Variants in KIF6 observed in about 807,000 individuals in gnomAD.
KIF6 encodes the protein kinesin-like protein KIF6.
A neutral mutation model predicts 112.7 loss-of-function variants in KIF6; 106 were observed. The ratio of observed to expected loss-of-function variants is 0.94; its 90% CI spans 0.80 to 1.11. The LOEUF (loss-of-function observed/expected upper bound fraction) is 1.11, where lower values mean the gene tolerates loss of function less well. Among genes scored for constraint, KIF6 ranks in the 50% least tolerant of loss-of-function variants. The pLI, the probability that KIF6 is intolerant of heterozygous loss-of-function variation, is 0.00. For missense variants in KIF6, 929 were observed against 964.0 expected (o/e 0.96, Z 0.48); for synonymous variants, 339 against 339.9 (o/e 1.00, Z 0.03).
At chr6:39,592,289 C>T (rs1035361457) in intron 7 of KIF6, among the ~76,000 whole-genome samples, 4 of 152,130 alleles carry the variant, frequency 2.6e-5, no homozygotes, top group Admixed American at 2.0e-4. Context: ...TGCTTGCAAT[C>T]AATAATTCTA....
chr6:39,690,750 T>C (rs752869427), intron 3 of KIF6: 1 of 152,278 alleles, frequency 6.6e-6, no homozygotes, highest in African/African-American at 2.4e-5. Context: ...AGGAGACAGC[T>C]CAAGAAGAGT....
At chr6:39,661,879 GACCAATAA>G (rs1786169482) in intron 3 of KIF6, among the ~76,000 whole-genome samples, 1 of 152,120 alleles carries the variant, frequency 6.6e-6, no homozygotes, top group Non-Finnish European at 1.5e-5. Flanking sequence ...GTCAGTCTCT[GACCAATAA>G]TTCATCATAC....
chr6:39,407,728 G>C (rs1453835392), intron 15 of KIF6, among the ~76,000 whole-genome samples: 1 of 152,152 alleles, frequency 6.6e-6, no homozygotes, highest in Non-Finnish European at 1.5e-5. Flanking sequence ...TTAACCATCT[G>C]TATGCAGGAG....
At chr6:39,588,404 G>T (rs979635680) in intron 7 of KIF6, among the ~76,000 whole-genome samples, 2 of 151,922 alleles carry the variant, frequency 1.3e-5, no homozygotes, top group Non-Finnish European at 2.9e-5. Flanking sequence ...TAGTAGAGTT[G>T]GGGTTTTGCT....
intron 3 of KIF6, among the ~76,000 whole-genome samples, chr6:39,701,044 C>T (rs1239770555): frequency 2.6e-5 from 4 of 152,214 alleles, no homozygotes; most frequent in Non-Finnish European, 5.9e-5. Context: ...ATTTGCCTTA[C>T]AAAGTTGCAG....
intron 13 of KIF6, among the ~76,000 whole-genome samples, chr6:39,497,701 A>T (rs1222081073): frequency 6.6e-6 from 1 of 151,616 alleles, no homozygotes; most frequent in African/African-American, 2.4e-5. Flanking sequence ...GCTTTTGACA[A>T]CTCTTCACTC....
Position 39,362,463 on chromosome 6 carries a change from C to T in KIF6, c.1917G>A (p.Leu639=). The T allele has an allele frequency of 6.2e-7, 1 of 1,614,146 alleles. No individual in the cohort carries two copies. Among genetic ancestry groups the T allele is most frequent in the Non-Finnish European group, 8.5e-7 (1 of 1,179,996 alleles). ...PLMPDQQEEK[L]RSQLEEEKRR... ...TCTTTTCTTCCTCCAGTTGTGATCG[C>T]AGCTTCTCCTCCTGCTGGTCTGGCA... Residue 639 remains leucine, a synonymous_variant, in exon 17 of 23, where the codon CTG becomes CTA. Transcript: ENST00000287152.
intron 16 of KIF6, among the ~76,000 whole-genome samples, chr6:39,372,508 T>G (rs964604766): frequency 6.6e-6 from 1 of 152,226 alleles, no homozygotes; most frequent in African/African-American, 2.4e-5. Flanking sequence ...ATCACAATGA[T>G]TCCACTAAAA....
intron 4 of KIF6, among the ~76,000 whole-genome samples, chr6:39,637,676 G>GTA (rs1784695790): frequency 6.6e-6 from 1 of 151,962 alleles, no homozygotes; most frequent in South Asian, 2.1e-4. Flanking sequence ...GGACCTCTGA[G>GTA]TACTAAGCTG....
At chr6:39,658,107 C>T (rs371433019) in intron 3 of KIF6, among the ~76,000 whole-genome samples, 1 of 152,252 alleles carries the variant, frequency 6.6e-6, no homozygotes, top group African/African-American at 2.4e-5. Context: ...CTGTAACTTA[C>T]CCATTTTATG....
At chr6:39,693,577 T>C (rs996833195) in intron 3 of KIF6, among the ~76,000 whole-genome samples, 25 of 151,864 alleles carry the variant, frequency 1.6e-4, no homozygotes, top group African/African-American at 6.1e-4. Flanking sequence ...AGAAAATAGA[T>C]AAATCCTAGA....
chr6:39,394,520 CAG>C (rs2150328960), intron 15 of KIF6, among the ~76,000 whole-genome samples: 1 of 152,336 alleles, frequency 6.6e-6, no homozygotes, highest in East Asian at 1.9e-4. Context: ...AGGTGGAAGA[CAG>C]AGAGTCCCAG....
intron 5 of KIF6, among the ~76,000 whole-genome samples, chr6:39,634,386 T>G (rs778954303): frequency 1.3e-5 from 2 of 152,148 alleles, no homozygotes; most frequent in African/African-American, 2.4e-5. Context: ...TTGCCAAAGT[T>G]AGCATTAACC....
At chr6:39,472,793 C>T (rs1405505953) in intron 13 of KIF6, among the ~76,000 whole-genome samples, 1 of 152,176 alleles carries the variant, frequency 6.6e-6, no homozygotes, top group Non-Finnish European at 1.5e-5. Context: ...TCACCACACA[C>T]CTTTTGTTTT....
chr6:39,711,091 AAAAG>A (rs1261472406), intron 3 of KIF6, among the ~76,000 whole-genome samples: 8 of 150,688 alleles, frequency 5.3e-5, no homozygotes, highest in African/African-American at 1.9e-4. Flanking sequence ...CTTTAAAAAA[AAAAG>A]AAAGAATTTT....
At chr6:39,682,744 T>A (rs1035843489) in intron 3 of KIF6, among the ~76,000 whole-genome samples, 1 of 152,144 alleles carries the variant, frequency 6.6e-6, no homozygotes, top group Admixed American at 6.5e-5. Context: ...CATACCCAGA[T>A]AATTTTTGTA....
At chr6:39,418,556 G>A (rs9462541) in intron 15 of KIF6, among the ~76,000 whole-genome samples, 140,389 of 152,268 alleles carry the variant, frequency 0.92, 64,950 homozygotes, top group East Asian at 1. Context: ...ATGACATGCA[G>A]GCCTCTGTGA....
At chr6:39,665,105 G>A (rs1786389603) in intron 3 of KIF6, among the ~76,000 whole-genome samples, 1 of 152,068 alleles carries the variant, frequency 6.6e-6, no homozygotes, top group East Asian at 1.9e-4. Context: ...TACTATGGTT[G>A]GCAATTGCAT....
chr6:39,349,631 C>CTTTTTTTTTTTTTTTTTTTTTTTT (rs58810898), intron 19 of KIF6, among the ~76,000 whole-genome samples: 8 of 64,556 alleles, frequency 1.2e-4, no homozygotes, highest in African/African-American at 1.9e-4. Context: ...ATTTGTGGCT[C>CTTTTTTTTTTTTTTTTTTTTTTTT]TTTTTTTTTT....
Sources: allele counts gnomAD v4.1 joint callset (sites outside exome capture counted in the v4.1 genomes callset), GRCh38; gene constraint gnomAD v4.1.1; transcripts MANE v1.5; gene names NCBI Gene and HGNC (gene_info 2026-07-23, HGNC 2026-07-21).